MGST1: variants seen among roughly 807,000 people sequenced by gnomAD.
MGST1 encodes the protein microsomal glutathione S-transferase 1, also known as glutathione S-transferase 12.
Under a neutral mutation model 8.9 loss-of-function variants are expected in MGST1, and 5 were observed. The ratio of observed to expected loss-of-function variants is 0.56; its 90% CI spans 0.29 to 1.19. MGST1 has a LOEUF of 1.19. Ranked by LOEUF, MGST1 falls within the 50% of genes most tolerant of loss-of-function variation. MGST1 has a pLI of 0.08. For missense variants in MGST1, 182 were observed against 187.4 expected (o/e 0.97, Z 0.17); for synonymous variants, 54 against 67.8 (o/e 0.80, Z 1.00).
In MGST1 at chr12:16,428,913, T is replaced by C. The variant is rs11056938; in HGVS notation, n.779-8475T>C. On this transcript the variant is annotated intron_variant and non_coding_transcript_variant, in intron 1 of 1. Transcript: ENST00000359720. ...TTTCTATACCATCATTTAAACATGA[T>C]AAAATGTAGCCATCTTTTTTTGTGC... Among the ~76,000 whole-genome samples the C allele has an allele frequency of 2.6e-4, 39 of 152,236 alleles. No homozygotes were observed. The East Asian group carries it at 7.5e-3, about 29-fold the overall frequency.
Position 16,369,780 on chromosome 12 carries a change from G to A in MGST1, c.222-6342G>A, listed in dbSNP as rs971417909. 2.6e-5 allele frequency: 4 copies of A among 152,168 alleles called. No homozygotes were observed. Among genetic ancestry groups the A allele is most frequent in the Admixed American group, 6.5e-5 (1 of 15,272 alleles). 9.4% of individuals were successfully genotyped at this position (152,168 alleles called of 1,614,324 possible). On this transcript the variant is annotated intron_variant, in intron 3 of 3. Transcript: ENST00000535309. The surrounding 1 kb of genome is among the most constrained non-coding windows in gnomAD (Gnocchi z 4.8). ...GATTCTTGCTCCAGTAGGTTAGCCTGACTGTGCTATCACAGCATAGGAGCA... is the reference window on the plus strand; with the variant it reads ...GATTCTTGCTCCAGTAGGTTAGCCTAACTGTGCTATCACAGCATAGGAGCA...
chr12:16,486,243 T>G (rs913635401), intron 4 of MGST1, among the ~76,000 whole-genome samples: 2 of 152,346 alleles, frequency 1.3e-5, no homozygotes, highest in Middle Eastern at 3.4e-3. Flanking sequence ...TACACAATTA[T>G]TTGTATGTCT....
At chr12:16,449,678 G>T (rs183161837) in intron 4 of MGST1, among the ~76,000 whole-genome samples, 7 of 151,860 alleles carry the variant, frequency 4.6e-5, no homozygotes, top group Non-Finnish European at 8.8e-5. Context: ...GGGCCCTGTG[G>T]CTTTGTGATA....
intron 4 of MGST1, among the ~76,000 whole-genome samples, chr12:16,575,271 G>C (rs1258750386): frequency 6.6e-6 from 1 of 152,062 alleles, no homozygotes; most frequent in African/African-American, 2.4e-5. Flanking sequence ...CAAAAATATA[G>C]GCATAAGGTC....
intron 1 of MGST1, among the ~76,000 whole-genome samples, chr12:16,433,364 G>A (rs2216203): frequency 6.6e-6 from 1 of 151,800 alleles, no homozygotes; most frequent in Non-Finnish European, 1.5e-5. Context: ...AATAATACTT[G>A]GCATCCTTCA....
Position 16,354,329 on chromosome 12 carries a change from A to G in MGST1, c.77A>G (p.Lys26Arg), listed in dbSNP as rs1446098640. ...TCCTATGCAACAATTATTCTTTCAA[A>G]AATGATGCTTATGAGTACTGCAACT... ...FASYATIILS[K>R]MMLMSTATAF... is the part of the protein sequence containing the mutation. The change falls in exon 2 of 4, where the codon AAA becomes AGA. Residue 26 changes from lysine to arginine, a missense_variant. Physicochemically the swap from Lys to Arg is conservative, Grantham distance 26 (BLOSUM62 2). Coordinates refer to ENST00000396210, the MANE Select transcript of MGST1 (RefSeq NM_020300.5). The G allele has an allele frequency of 6.2e-7, 1 of 1,608,702 alleles. No homozygotes were observed. The highest frequency in any genetic ancestry group is 1.3e-5 in the African/African-American group (1 of 74,788).
At chr12:16,519,947 T>C (rs1941638136) in intron 4 of MGST1, among the ~76,000 whole-genome samples, 1 of 152,204 alleles carries the variant, frequency 6.6e-6, no homozygotes, top group Non-Finnish European at 1.5e-5. Flanking sequence ...TACAATCAGA[T>C]ACATGTTGCC....
chr12:16,583,128 A>C (rs1228082381), intron 4 of MGST1, among the ~76,000 whole-genome samples: 4 of 152,060 alleles, frequency 2.6e-5, no homozygotes, highest in Admixed American at 6.6e-5. Context: ...ATAAATGATC[A>C]ACACTATTAA....
chr12:16,479,095 G>A (rs1941345879), intron 4 of MGST1, among the ~76,000 whole-genome samples: 1 of 151,892 alleles, frequency 6.6e-6, no homozygotes, highest in Non-Finnish European at 1.5e-5. Flanking sequence ...GCATGTTTTT[G>A]AGGTTCATCT....
At chr12:16,554,991 T>TCTAA (rs1942141227) in intron 4 of MGST1, among the ~76,000 whole-genome samples, 1 of 152,216 alleles carries the variant, frequency 6.6e-6, no homozygotes, top group Non-Finnish European at 1.5e-5. Flanking sequence ...ACCACTTTCT[T>TCTAA]CTAACTGTAA....
chr12:16,385,943 C>T (rs2137047148), intron 1 of MGST1, among the ~76,000 whole-genome samples: 1 of 152,258 alleles, frequency 6.6e-6, no homozygotes, highest in Non-Finnish European at 1.5e-5. Context: ...ATGAGAGTCT[C>T]CTATCTACCC....
At chr12:16,440,044 G>A (rs1412037641), downstream of MGST1, among the ~76,000 whole-genome samples, 1 of 151,760 alleles carries the variant, frequency 6.6e-6, no homozygotes, top group African/African-American at 2.4e-5. Flanking sequence ...CATTTATGGT[G>A]TGATGTTCTA....
At chr12:16,421,866 C>T (rs1194812745) in intron 1 of MGST1, among the ~76,000 whole-genome samples, 1 of 152,116 alleles carries the variant, frequency 6.6e-6, no homozygotes, top group East Asian at 1.9e-4. Flanking sequence ...TACAGGGGTC[C>T]AATGTAATTA....
intron 4 of MGST1, among the ~76,000 whole-genome samples, chr12:16,468,150 C>A (rs1455733362): frequency 6.6e-6 from 1 of 152,194 alleles, no homozygotes; most frequent in Non-Finnish European, 1.5e-5. Flanking sequence ...TTTCCATCTG[C>A]TTCCATCATT....
chr12:16,396,101 C>A (rs964483083), intron 1 of MGST1, among the ~76,000 whole-genome samples: 6 of 152,008 alleles, frequency 3.9e-5, no homozygotes, highest in Admixed American at 3.9e-4. Context: ...TTCACTGCAT[C>A]CACGCCAACA....
chr12:16,411,875 C>G (rs1408525563), intron 1 of MGST1, among the ~76,000 whole-genome samples: 2 of 152,110 alleles, frequency 1.3e-5, no homozygotes, highest in Non-Finnish European at 2.9e-5. Flanking sequence ...CTTATCAGTT[C>G]TATGGTCATT....
chr12:16,479,235 C>CTTTTT (rs542448251), intron 4 of MGST1, among the ~76,000 whole-genome samples: 1,562 of 112,022 alleles, frequency 0.014, 111 homozygotes, highest in South Asian at 0.022. Flanking sequence ...TAGACTGTAT[C>CTTTTT]TTTTTTTTTT....
intron 4 of MGST1, among the ~76,000 whole-genome samples, chr12:16,523,971 A>G (rs1307151877): frequency 6.6e-6 from 1 of 152,094 alleles, no homozygotes; most frequent in Non-Finnish European, 1.5e-5. Context: ...GCCACACATT[A>G]TATGTCTTGT....
downstream of MGST1, among the ~76,000 whole-genome samples, chr12:16,440,409 C>T (rs550206908): frequency 6.6e-6 from 1 of 151,766 alleles, no homozygotes; most frequent in Non-Finnish European, 1.5e-5. Flanking sequence ...CTTCTCCCTG[C>T]CACTAGAGGT....
Sources: allele counts gnomAD v4.1 joint callset (sites outside exome capture counted in the v4.1 genomes callset), GRCh38; gene constraint gnomAD v4.1.1; non-coding constraint Gnocchi (gnomAD v3.1); transcripts MANE v1.5; gene names NCBI Gene and HGNC (gene_info 2026-07-23, HGNC 2026-07-21).